The following KMT2C variants were observed in gnomAD, a reference collection of about 807,000 sequenced individuals.
KMT2C encodes the protein lysine methyltransferase 2C.
In KMT2C, 88 loss-of-function variants were observed where a neutral mutation model predicts 507.9. That is an observed-to-expected ratio of 0.17 (90% CI 0.15 to 0.21). The LOEUF is 0.21. Among genes scored for constraint, KMT2C ranks in the 10% least tolerant of loss-of-function variants. KMT2C has a pLI of 1.00. For synonymous variants in KMT2C, 2,049 were observed against 2,080.8 expected (o/e 0.98, Z 0.42); for missense variants, 4,954 against 5,957.8 (o/e 0.83, Z 5.55).
intron 1 of KMT2C, among the ~76,000 whole-genome samples, chr7:152,415,019 A>G (rs560743544): frequency 6.8e-6 from 1 of 146,944 alleles, no homozygotes; most frequent in African/African-American, 2.6e-5. Context: ...CTAATTTTTT[A>G]TTTTTTTGTA....
chr7:152,385,806 G>A (rs1459766246), intron 1 of KMT2C, among the ~76,000 whole-genome samples: 1 of 151,536 alleles, frequency 6.6e-6, no homozygotes, highest in Non-Finnish European at 1.5e-5. Flanking sequence ...TTATGCCTGA[G>A]GCCAGGTGCA....
chr7:152,178,046 A>G, intron 37 of KMT2C, 36 bp from the exon 38 acceptor site: 2 of 1,374,332 alleles, frequency 1.5e-6, no homozygotes, highest in Non-Finnish European at 1.9e-6. Flanking sequence ...AAAAAAAGCA[A>G]ATAGGTATTA....
At chr7:152,194,329 T>C (rs1486420934) in intron 29 of KMT2C, 68 bp from the exon 30 acceptor site, 1 of 1,355,422 alleles carries the variant, frequency 7.4e-7, no homozygotes, top group Non-Finnish European at 1.0e-6. Context: ...TATAAAATAG[T>C]ATTTAACTGA....
chr7:152,427,948 G>T (rs966882895), intron 1 of KMT2C, among the ~76,000 whole-genome samples: 2 of 152,044 alleles, frequency 1.3e-5, no homozygotes, highest in East Asian at 3.9e-4. Context: ...GCTTTGGCTT[G>T]ATCTCTCACA....
chr7:152,382,376 C>T (rs1427887891), intron 1 of KMT2C, among the ~76,000 whole-genome samples: 1 of 152,162 alleles, frequency 6.6e-6, no homozygotes, highest in Non-Finnish European at 1.5e-5. Context: ...CTTTCTACTT[C>T]TCTGAACTCC....
Position 152,374,699 on chromosome 7 carries a change from G to C in KMT2C, c.162-16024C>G, listed in dbSNP as rs561131057. Among the ~76,000 whole-genome samples the C allele has an allele frequency of 5.9e-5, 9 of 151,972 alleles. No homozygotes were observed. In the East Asian group the frequency reaches 1.8e-3, roughly 30 times the overall value. ...GGATCACTTAAGGTCAGGAGTTCCAGACCAGCCTGGCCAATATGGTGAAAC... is the reference window on the plus strand; with the variant it reads ...GGATCACTTAAGGTCAGGAGTTCCACACCAGCCTGGCCAATATGGTGAAAC... On this transcript the variant is annotated intron_variant, in intron 1 of 58. Coordinates refer to ENST00000262189, the MANE Select transcript of KMT2C (RefSeq NM_170606.3).
chr7:152,179,387 A>T (rs2093347587), intron 37 of KMT2C, among the ~76,000 whole-genome samples: 1 of 152,258 alleles, frequency 6.6e-6, no homozygotes, highest in Non-Finnish European at 1.5e-5. Flanking sequence ...TACGCAGAAT[A>T]GCTACATTTT....
intron 6 of KMT2C, among the ~76,000 whole-genome samples, chr7:152,289,645 G>A (rs2096373056): frequency 6.6e-6 from 1 of 152,200 alleles, no homozygotes; most frequent in Non-Finnish European, 1.5e-5. Flanking sequence ...CTTAGAACAT[G>A]AGTGGACAAT....
At chr7:152,363,008 A>G (rs2097209010) in intron 1 of KMT2C, among the ~76,000 whole-genome samples, 1 of 152,156 alleles carries the variant, frequency 6.6e-6, no homozygotes, top group Non-Finnish European at 1.5e-5. Context: ...ATTGCTGCTC[A>G]TTGGCTTCTG....
intron 23 of KMT2C, 137 bp downstream of exon 23, chr7:152,220,386 T>C (rs2094727878): frequency 5.7e-6 from 4 of 695,758 alleles, no homozygotes; most frequent in Non-Finnish European, 9.8e-6. Context: ...CATTTGGAAA[T>C]GGCAAGGGTC....
At chr7:152,340,435 A>G (rs1055929146) in intron 2 of KMT2C, among the ~76,000 whole-genome samples, 1 of 152,210 alleles carries the variant, frequency 6.6e-6, no homozygotes, top group Non-Finnish European at 1.5e-5. Flanking sequence ...TTTTGAAAGA[A>G]GTCTGCCTCC....
At position 152,162,216 on chromosome 7, in the gene KMT2C, AGAT is replaced by A. The variant is rs771033933; in HGVS notation, c.11358_11360del (p.Ser3788del). The stretch of plus-strand genomic sequence containing the variant: ...CCTCAGGTTTTTGATTCAAAAGAGA[AGAT>A]GACTTTTTATTTTTCAACAAGTGTT... On this transcript the variant is annotated inframe_deletion, in exon 43 of 59. Transcript: ENST00000262189. The A allele has an allele frequency of 1.9e-6, 3 of 1,614,116 alleles. No individual in the cohort carries two copies. In the South Asian group the frequency reaches 3.3e-5, roughly 18 times the overall value.
chr7:152,395,401 C>T (rs1198972140), intron 1 of KMT2C, among the ~76,000 whole-genome samples: 1 of 152,112 alleles, frequency 6.6e-6, no homozygotes, highest in Non-Finnish European at 1.5e-5. Flanking sequence ...GCCCAGCAGA[C>T]TGGTCTCGAA....
intron 3 of KMT2C, among the ~76,000 whole-genome samples, chr7:152,321,772 C>T (rs2096774994): frequency 6.6e-6 from 1 of 151,822 alleles, no homozygotes; most frequent in Non-Finnish European, 1.5e-5. Flanking sequence ...TTTAAGAAAA[C>T]ATCAAGAAAT....
At position 152,180,260 on chromosome 7, in the gene KMT2C, A is replaced by G. The variant is rs139704682; in HGVS notation, c.7150-134T>C. ...GGCCTCAAATTCCTGGACTCAAGTG[A>G]TCCTCCTGTCTCAGCCTCTCAAGTA... On this transcript the variant is annotated intron_variant, in intron 36 of 58. Coordinates refer to ENST00000262189, the MANE Select transcript of KMT2C (RefSeq NM_170606.3). 6.9e-5 allele frequency: 62 copies of G among 895,642 alleles called. No individual in the cohort carries two copies. In the African/African-American group the frequency reaches 7.0e-4, roughly 10 times the overall value. 55.5% of individuals were successfully genotyped at this position (895,642 alleles called of 1,614,324 possible). A position where few individuals can be genotyped will look rare whatever the true frequency, so the allele number is the denominator to read the frequency against.
intron 14 of KMT2C, among the ~76,000 whole-genome samples, chr7:152,245,511 T>A (rs926911981): frequency 6.6e-6 from 1 of 152,188 alleles, no homozygotes. Flanking sequence ...AAAGTGTAAC[T>A]ACTTGAAAAT....
At chr7:152,368,510 A>C in intron 1 of KMT2C, 1 of 1,344,138 alleles carries the variant, frequency 7.4e-7, no homozygotes, top group Non-Finnish European at 1.0e-6. Flanking sequence ...GAGCTAATGA[A>C]AAAGAATTTG....
At chr7:152,296,067 C>CAAAAAA (rs34144566) in intron 6 of KMT2C, among the ~76,000 whole-genome samples, 3 of 45,414 alleles carry the variant, frequency 6.6e-5, no homozygotes, top group East Asian at 7.0e-4. Context: ...GACTCCGTCT[C>CAAAAAA]AAAAAAAAAA....
intron 2 of KMT2C, among the ~76,000 whole-genome samples, chr7:152,356,116 C>T (rs1040806523): frequency 2.6e-5 from 4 of 152,048 alleles, no homozygotes; most frequent in Non-Finnish European, 4.4e-5. Context: ...GGGATGCAAG[C>T]AAGAAAATAG....
Sources: allele counts gnomAD v4.1 joint callset (sites outside exome capture counted in the v4.1 genomes callset), GRCh38; gene constraint gnomAD v4.1.1; transcripts MANE v1.5; gene names NCBI Gene and HGNC (gene_info 2026-07-23, HGNC 2026-07-21).